ROCK2: variants seen among roughly 807,000 people sequenced by gnomAD.
ROCK2 encodes the protein Rho associated coiled-coil containing protein kinase 2.
Under a neutral mutation model 195.1 loss-of-function variants are expected in ROCK2, and 61 were observed. The observed-to-expected ratio is 0.31, with a 90% CI of 0.25 to 0.39. The LOEUF is 0.39. ROCK2 is among the 10% of genes least tolerant of loss of function. The probability of loss-of-function intolerance (pLI) is 1.00; values close to 1 mark genes in which losing one functional copy is unlikely to be tolerated. For missense variants in ROCK2, 1,109 were observed against 1,637.4 expected, an observed-to-expected ratio of 0.68 and a Z score of 5.57; for synonymous variants, 504 against 545.5, an observed-to-expected ratio of 0.92 and a Z score of 1.06.
At position 11,181,786 on chromosome 2, in the gene ROCK2, A is replaced by G. The variant is rs1405087384; in HGVS notation, c.*1651T>C. 6.6e-6 allele frequency: 1 copy of G among 151,842 alleles called. No individual in the cohort carries two copies. The highest frequency in any genetic ancestry group is 1.5e-5 in the Non-Finnish European group (1 of 67,972). 9.4% of individuals were successfully genotyped at this position (151,842 alleles called of 1,614,324 possible). A position where few individuals can be genotyped will look rare whatever the true frequency, so the allele number is the denominator to read the frequency against. ...GTAGCTGGGATTACAGGCCACCACC[A>G]TCATGCCCGGCTAATTTTTGTATAT... is the stretch of plus-strand genomic sequence containing the variant. On this transcript the variant is annotated 3_prime_UTR_variant, in exon 33 of 33. Coordinates refer to ENST00000315872, the MANE Select transcript of ROCK2 (RefSeq NM_004850.5).
At chr2:11,225,920 T>A (rs1413977220) in intron 6 of ROCK2, among the ~76,000 whole-genome samples, 1 of 152,140 alleles carries the variant, frequency 6.6e-6, no homozygotes. Flanking sequence ...AAGACAGTCA[T>A]CAAGAGAAAA....
rs200112368 is a variant in ROCK2 at position 11,200,922 on chromosome 2, C to T, written c.2910+35G>A. The T allele has an allele frequency of 9.7e-6, 15 of 1,550,980 alleles. No individual in the cohort carries two copies. In the Middle Eastern group the frequency reaches 5.2e-4, roughly 54 times the overall value. ...GAAGGTTTAAGATATAGCAATTTAA[C>T]TATAATCCAAAAAAGCACCAAGAAT... On this transcript the variant is annotated intron_variant, in intron 23 of 32. Transcript: ENST00000315872.
chr2:11,270,940 G>A (rs1415218308), intron 3 of ROCK2, among the ~76,000 whole-genome samples: 1 of 152,162 alleles, frequency 6.6e-6, no homozygotes, highest in African/African-American at 2.4e-5. Context: ...AGGAACTTCT[G>A]TAAATAGGTC....
intron 3 of ROCK2, among the ~76,000 whole-genome samples, chr2:11,274,023 A>G (rs1289660186): frequency 1.3e-5 from 2 of 152,080 alleles, no homozygotes; most frequent in African/African-American, 4.8e-5. Flanking sequence ...AACGAATCAT[A>G]TAAGAAATCA....
At chr2:11,322,859 G>C (rs1016217426) in intron 1 of ROCK2, among the ~76,000 whole-genome samples, 1 of 152,072 alleles carries the variant, frequency 6.6e-6, no homozygotes, top group African/African-American at 2.4e-5. Flanking sequence ...TTGGTCAAAT[G>C]GTCAGTGAAC....
intron 3 of ROCK2, among the ~76,000 whole-genome samples, chr2:11,256,374 C>T (rs1361549980): frequency 6.6e-6 from 1 of 151,142 alleles, no homozygotes; most frequent in Non-Finnish European, 1.5e-5. Context: ...TTCTCGTCTT[C>T]CTTCTCTGGC....
rs1553292975 is a variant in ROCK2, at chr2:11,181,181, A to AATT, written c.*2255_*2256insAAT. On this transcript the variant is annotated 3_prime_UTR_variant, in exon 33 of 33. Transcript: ENST00000315872. ...TTTCACCTTAATAAAGTTTATTAAA[A>AATT]ATATATATATATATATATATATATA... 1 of 136,160 alleles carries AATT rather than the reference A, an allele frequency of 7.3e-6. No individual in the cohort carries two copies. The highest frequency in any genetic ancestry group is 2.7e-5 in the African/African-American group (1 of 37,302). The allele number at this position is 136,160 out of a possible 1,614,324, so 8.4% of individuals were successfully genotyped here. A position where few individuals can be genotyped will look rare whatever the true frequency, so the allele number is the denominator to read the frequency against.
chr2:11,201,267 G>A lies in ROCK2; in HGVS notation c.2723+43C>T. The A allele has an allele frequency of 6.5e-7, 1 of 1,527,062 alleles. No homozygotes were observed. The highest frequency in any genetic ancestry group is 9.1e-7 in the Non-Finnish European group (1 of 1,104,078). The allele number at this position is 1,527,062 out of a possible 1,614,324, so 94.6% of individuals were successfully genotyped here. A position where few individuals can be genotyped will look rare whatever the true frequency, so the allele number is the denominator to read the frequency against. Reference sequence around the variant, plus strand: ...TACCAGGCATTGTTCTAGGAGCAAAGTATACAGCTATGAACAAAAAGAGAC... The same window carrying A: ...TACCAGGCATTGTTCTAGGAGCAAAATATACAGCTATGAACAAAAAGAGAC... On this transcript the variant is annotated intron_variant, in intron 22 of 32. Coordinates refer to ENST00000315872, the MANE Select transcript of ROCK2 (RefSeq NM_004850.5). The surrounding 1 kb of genome is among the most constrained non-coding windows in gnomAD (Gnocchi z 4.6).
chr2:11,203,881 A>C (rs1260879654), intron 20 of ROCK2, among the ~76,000 whole-genome samples: 1 of 152,220 alleles, frequency 6.6e-6, no homozygotes, highest in East Asian at 1.9e-4. Flanking sequence ...CTTGTAGCAA[A>C]CCACAGTATA....
chr2:11,219,542 A>G (rs2148072948), intron 9 of ROCK2, among the ~76,000 whole-genome samples: 1 of 152,110 alleles, frequency 6.6e-6, no homozygotes, highest in Non-Finnish European at 1.5e-5. Context: ...ATCAAATGCT[A>G]AACTTTTCTT....
chr2:11,303,790 A>G (rs933138005), intron 1 of ROCK2, among the ~76,000 whole-genome samples: 1 of 152,076 alleles, frequency 6.6e-6, no homozygotes, highest in Non-Finnish European at 1.5e-5. Flanking sequence ...TCACACTCCT[A>G]AACTTTTCTT....
intron 1 of ROCK2, among the ~76,000 whole-genome samples, chr2:11,318,299 G>A (rs189915243): frequency 0.043 from 6,474 of 152,224 alleles, 279 homozygotes; most frequent in Non-Finnish European, 0.06. Context: ...TTTAATGATA[G>A]CCATTCTAAC....
chr2:11,238,240 GTC>G (rs1665291980), intron 4 of ROCK2, among the ~76,000 whole-genome samples: 4 of 149,078 alleles, frequency 2.7e-5, no homozygotes, highest in African/African-American at 7.5e-5. Context: ...GTGTGTGTGT[GTC>G]TGTTGTGTGT....
intron 27 of ROCK2, among the ~76,000 whole-genome samples, chr2:11,196,827 G>C (rs1477767379): frequency 2.0e-5 from 3 of 152,160 alleles, no homozygotes; most frequent in Non-Finnish European, 4.4e-5. Context: ...GTAGGTGAAT[G>C]ACATGGATTC....
intron 20 of ROCK2, 63 bp from the exon 21 acceptor site, chr2:11,202,184 A>G (rs1205103537): frequency 1.9e-5 from 26 of 1,355,364 alleles, no homozygotes; most frequent in Non-Finnish European, 7.4e-6. Context: ...GCAGCTCTCA[A>G]AGTATGGTCT....
At chr2:11,196,162 A>G (rs1296645516) in intron 27 of ROCK2, among the ~76,000 whole-genome samples, 1 of 152,206 alleles carries the variant, frequency 6.6e-6, no homozygotes, top group Non-Finnish European at 1.5e-5. Flanking sequence ...GTCTTGAAAG[A>G]TCACACAGGG....
rs148653223 is a variant in ROCK2 at position 11,230,370 on chromosome 2, A to G, written c.724-2972T>C. 3.6e-3 allele frequency among the ~76,000 whole-genome samples: 550 copies of G among 152,314 alleles called. 2 individuals carry two copies. The highest frequency in any genetic ancestry group is 0.013 in the African/African-American group (521 of 41,574). On this transcript the variant is annotated intron_variant, in intron 5 of 32. Transcript: ENST00000315872. ...ACCTAAGGAGCTTTCACAAGATGGC[A>G]AACTTTGGACTGAGTTTCAAAATAT...
At chr2:11,219,683 G>A (rs1664560860) in intron 9 of ROCK2, among the ~76,000 whole-genome samples, 2 of 151,906 alleles carry the variant, frequency 1.3e-5, no homozygotes, top group Non-Finnish European at 2.9e-5. Flanking sequence ...CACCCAGGCT[G>A]GAGTATAGCG....
intron 23 of ROCK2, among the ~76,000 whole-genome samples, chr2:11,199,349 C>G (rs978794321): frequency 1.3e-5 from 2 of 150,344 alleles, no homozygotes; most frequent in African/African-American, 4.9e-5. Context: ...GTCTCAAGCT[C>G]TGTTGCCCAG....
Sources: allele counts gnomAD v4.1 joint callset (sites outside exome capture counted in the v4.1 genomes callset), GRCh38; gene constraint gnomAD v4.1.1; non-coding constraint Gnocchi (gnomAD v3.1); transcripts MANE v1.5; gene names NCBI Gene and HGNC (gene_info 2026-07-23, HGNC 2026-07-21).